SHTN1: variants seen among roughly 807,000 people sequenced by gnomAD.
The protein encoded by SHTN1 is shootin-1.
Under a neutral mutation model 83.1 loss-of-function variants are expected in SHTN1, and 42 were observed. The observed-to-expected ratio is 0.51, with a 90% CI of 0.39 to 0.65. SHTN1 has a LOEUF of 0.65. Among genes scored for constraint, SHTN1 ranks in the 30% least tolerant of loss-of-function variants. The pLI is 0.00. For synonymous variants in SHTN1, 224 were observed against 247.7 expected (o/e 0.90, Z 0.90); for missense variants, 622 against 737.8 (o/e 0.84, Z 1.82).
chr10:116,972,832 G>A (rs1416563172), intron 2 of SHTN1, among the ~76,000 whole-genome samples: 2 of 152,122 alleles, frequency 1.3e-5, no homozygotes, highest in South Asian at 2.1e-4. Context: ...ACATTACATC[G>A]ACTCTAGAGT....
At chr10:116,975,830 C>T (rs974225265) in intron 2 of SHTN1, among the ~76,000 whole-genome samples, 5 of 152,108 alleles carry the variant, frequency 3.3e-5, no homozygotes, top group Non-Finnish European at 7.4e-5. Context: ...CATATACAAA[C>T]ACATGTGAAT....
intron 15 of SHTN1, among the ~76,000 whole-genome samples, chr10:116,903,580 G>A (rs1329785374): frequency 6.6e-6 from 1 of 152,166 alleles, no homozygotes; most frequent in Non-Finnish European, 1.5e-5. Context: ...ATGTTGCATG[G>A]AGCTGTGGCA....
intron 4 of SHTN1, among the ~76,000 whole-genome samples, chr10:116,957,135 T>C (rs1430345235): frequency 6.6e-6 from 1 of 152,004 alleles, no homozygotes; most frequent in Non-Finnish European, 1.5e-5. Flanking sequence ...TTTTGAGAAT[T>C]CTGAATTCAC....
chr10:117,092,202 T>C (rs1252967479), intron 1 of SHTN1, among the ~76,000 whole-genome samples: 1 of 152,216 alleles, frequency 6.6e-6, no homozygotes, highest in Admixed American at 6.5e-5. Context: ...TAAGAGATGT[T>C]TACTGAACTG....
intron 1 of SHTN1, among the ~76,000 whole-genome samples, chr10:116,992,162 C>T (rs767913109): frequency 4.6e-5 from 7 of 151,956 alleles, no homozygotes; most frequent in East Asian, 3.9e-4. Flanking sequence ...CAAAACAAAA[C>T]GAAACAAAAC....
At chr10:117,122,732 A>G (rs958944572) in intron 1 of SHTN1, among the ~76,000 whole-genome samples, 4 of 152,186 alleles carry the variant, frequency 2.6e-5, no homozygotes, top group Non-Finnish European at 5.9e-5. Flanking sequence ...TAAATTGTCT[A>G]CTATGTACCA....
chr10:117,112,353 C>A (rs1299335945), intron 1 of SHTN1, among the ~76,000 whole-genome samples: 3 of 152,148 alleles, frequency 2.0e-5, no homozygotes, highest in Non-Finnish European at 2.9e-5. Context: ...CCTAGCTCAT[C>A]ATTTATGCAT....
intron 1 of SHTN1, among the ~76,000 whole-genome samples, chr10:117,054,550 T>G (rs1467573331): frequency 6.6e-6 from 1 of 151,536 alleles, no homozygotes; most frequent in Non-Finnish European, 1.5e-5. Context: ...GGACTACAGG[T>G]GCCCGCCACC....
chr10:117,113,778 G>T (rs1215617767), intron 1 of SHTN1, among the ~76,000 whole-genome samples: 1 of 152,182 alleles, frequency 6.6e-6, no homozygotes, highest in African/African-American at 2.4e-5. Flanking sequence ...GGGCGCAGTG[G>T]ATCATGCCTG....
chr10:116,998,550 A>C (rs563095845), intron 1 of SHTN1, among the ~76,000 whole-genome samples: 1 of 152,334 alleles, frequency 6.6e-6, no homozygotes, highest in Non-Finnish European at 1.5e-5. Context: ...TATCACAGAT[A>C]CGTATGCACA....
chr10:117,039,703 A>G (rs547235962), intron 2 of SHTN1, among the ~76,000 whole-genome samples: 3 of 152,034 alleles, frequency 2.0e-5, no homozygotes, highest in East Asian at 3.9e-4. Context: ...AATACAAAAA[A>G]TTAGCCGGGC....
chr10:116,891,315 A>G (rs1219953991), intron 16 of SHTN1, among the ~76,000 whole-genome samples: 1 of 152,244 alleles, frequency 6.6e-6, no homozygotes, highest in Non-Finnish European at 1.5e-5. Context: ...CTATCTTTCA[A>G]ATCGCAACAG....
intron 1 of SHTN1, among the ~76,000 whole-genome samples, chr10:116,999,408 T>C (rs549014116): frequency 6.6e-6 from 1 of 152,266 alleles, no homozygotes; most frequent in South Asian, 2.1e-4. Context: ...AGTGATTTCA[T>C]CCTCAAGGAG....
At chr10:117,044,882 A>C (rs986059475) in intron 2 of SHTN1, among the ~76,000 whole-genome samples, 2 of 152,176 alleles carry the variant, frequency 1.3e-5, no homozygotes, top group Admixed American at 6.5e-5. Context: ...AAAAGAAAGG[A>C]TGTTTCTGAG....
intron 2 of SHTN1, among the ~76,000 whole-genome samples, chr10:117,021,454 G>T (rs1167190899): frequency 2.0e-5 from 3 of 152,136 alleles, no homozygotes; most frequent in Non-Finnish European, 2.9e-5. Context: ...GATTAAATGA[G>T]AATTCTGATA....
intron 1 of SHTN1, among the ~76,000 whole-genome samples, chr10:116,995,441 T>C (rs1851594498): frequency 6.6e-6 from 1 of 152,172 alleles, no homozygotes; most frequent in East Asian, 1.9e-4. Flanking sequence ...ACACTACTGA[T>C]TCTTTTATTT....
chr10:116,990,270 CTT>C (rs1207031739), intron 1 of SHTN1, among the ~76,000 whole-genome samples: 4 of 127,006 alleles, frequency 3.1e-5, no homozygotes, highest in Admixed American at 8.2e-5. Context: ...TGTCTTTTTT[CTT>C]TTTCTTTTTT....
At chr10:117,058,680 A>G (rs1852858915) in intron 1 of SHTN1, among the ~76,000 whole-genome samples, 1 of 152,220 alleles carries the variant, frequency 6.6e-6, no homozygotes, top group Non-Finnish European at 1.5e-5. Context: ...AATTAAAAGC[A>G]GGGTCTTGAA....
chr10:117,014,313 C>A (rs970258042), intron 2 of SHTN1, among the ~76,000 whole-genome samples: 1 of 151,936 alleles, frequency 6.6e-6, no homozygotes, highest in African/African-American at 2.4e-5. Context: ...ACAAGTCAGC[C>A]AAGATAGGGA....
Sources: allele counts gnomAD v4.1 joint callset (sites outside exome capture counted in the v4.1 genomes callset), GRCh38; gene constraint gnomAD v4.1.1; transcripts MANE v1.5; gene names NCBI Gene and HGNC (gene_info 2026-07-23, HGNC 2026-07-21).